Variants in OR10J1 observed in about 807,000 individuals in gnomAD.
OR10J1 encodes the protein olfactory receptor 10J1.
For synonymous variants in OR10J1, 202 were observed against 143.8 expected, an observed-to-expected ratio of 1.40 and a Z score of -2.89; for missense variants, 474 against 376.6, an observed-to-expected ratio of 1.26 and a Z score of -2.14.
the OR10J1 span, among the ~76,000 whole-genome samples, chr1:159,413,030 C>T: frequency 1.2e-4 from 18 of 152,164 alleles, no homozygotes; most frequent in African/African-American, 2.9e-4. Flanking sequence ...GGGCAAAGGA[C>T]GTGAACAGAC....
chr1:159,436,038 A>G (rs1304771101), upstream of OR10J1, among the ~76,000 whole-genome samples: 1 of 152,170 alleles, frequency 6.6e-6, no homozygotes, highest in Non-Finnish European at 1.5e-5. Flanking sequence ...AAAGTGTTTG[A>G]TAAATATTAA....
chr1:159,408,753 T>C, the OR10J1 span, among the ~76,000 whole-genome samples: 1 of 152,074 alleles, frequency 6.6e-6, no homozygotes. Context: ...GAGGCTCAAA[T>C]GAGTCAATAC....
the OR10J1 span, among the ~76,000 whole-genome samples, chr1:159,412,175 G>A: frequency 4.6e-5 from 7 of 151,822 alleles, no homozygotes; most frequent in Non-Finnish European, 7.4e-5. Flanking sequence ...CCACTGCTCA[G>A]TGAAATAAAA....
chr1:159,424,463 A>G, the OR10J1 span, among the ~76,000 whole-genome samples: 5 of 146,440 alleles, frequency 3.4e-5, no homozygotes, highest in African/African-American at 1.2e-4. Flanking sequence ...TATATAATAT[A>G]AATATATAAG....
chr1:159,398,970 A>T, the OR10J1 span, among the ~76,000 whole-genome samples: 1 of 152,098 alleles, frequency 6.6e-6, no homozygotes. Context: ...TAACCCAAAG[A>T]CTACCTCGAG....
the OR10J1 span, among the ~76,000 whole-genome samples, chr1:159,411,121 A>C: frequency 6.6e-6 from 1 of 151,388 alleles, no homozygotes; most frequent in African/African-American, 2.4e-5. Flanking sequence ...ACTTCCAACT[A>C]TGTGGTCAAT....
At chr1:159,434,642 T>A (rs943751582), upstream of OR10J1, among the ~76,000 whole-genome samples, 4 of 152,152 alleles carry the variant, frequency 2.6e-5, no homozygotes, top group Admixed American at 2.0e-4. Flanking sequence ...CAGAGAGGCA[T>A]GCATTCCCAA....
At chr1:159,431,856 G>A in the OR10J1 span, among the ~76,000 whole-genome samples, 1 of 152,148 alleles carries the variant, frequency 6.6e-6, no homozygotes. Flanking sequence ...AAGCTATGAT[G>A]TTCAGTCAGG....
chr1:159,417,694 G>C, the OR10J1 span, among the ~76,000 whole-genome samples: 16 of 152,306 alleles, frequency 1.1e-4, no homozygotes, highest in Non-Finnish European at 1.9e-4. Flanking sequence ...CCAGGAGTAG[G>C]GTGCTGCTGT....
chr1:159,407,806 T>C, the OR10J1 span, among the ~76,000 whole-genome samples: 1 of 152,156 alleles, frequency 6.6e-6, no homozygotes, highest in East Asian at 1.9e-4. Context: ...TGTGTCAAGG[T>C]CTATGAATTC....
Position 159,440,598 on chromosome 1 carries a change from T to C in OR10J1, c.807T>C (p.His269=). ...CCAAGTCAGAGAACACCAGAGAACA[T>C]GACCAGCTGATCTCGGTGACCTACA... ...LKPKSENTRE[H]DQLISVTYTV... Residue 269 remains histidine (H), a synonymous_variant, in exon 1 of 1, where the codon CAT becomes CAC. Coordinates refer to ENST00000423932, the MANE Select transcript of OR10J1 (RefSeq NM_012351.3). 6.2e-7 allele frequency: 1 copy of C among 1,613,974 alleles called. No homozygotes were observed. The highest frequency in any genetic ancestry group is 8.5e-7 in the Non-Finnish European group (1 of 1,180,000).
chr1:159,430,671 G>GCGCACGCGCGCA, the OR10J1 span, among the ~76,000 whole-genome samples: 3 of 149,688 alleles, frequency 2.0e-5, no homozygotes, highest in African/African-American at 4.9e-5. Context: ...GTGTGTGTGC[G>GCGCACGCGCGCA]CGCGCGCACA....
chr1:159,429,577 A>G, the OR10J1 span, among the ~76,000 whole-genome samples: 1 of 152,320 alleles, frequency 6.6e-6, no homozygotes, highest in South Asian at 2.1e-4. Flanking sequence ...TACTAGTTGT[A>G]TGATTGTTGA....
chr1:159,417,146 G>T, the OR10J1 span, among the ~76,000 whole-genome samples: 10 of 151,968 alleles, frequency 6.6e-5, no homozygotes, highest in Non-Finnish European at 1.3e-4. Context: ...GTTCATTGAA[G>T]TAAATCATTA....
the OR10J1 span, among the ~76,000 whole-genome samples, chr1:159,411,368 G>T: frequency 6.6e-6 from 1 of 152,124 alleles, no homozygotes; most frequent in Admixed American, 6.6e-5. Flanking sequence ...CTTGCTTTAT[G>T]AATCTGGGTG....
At chr1:159,407,023 G>T in the OR10J1 span, among the ~76,000 whole-genome samples, 2 of 152,078 alleles carry the variant, frequency 1.3e-5, no homozygotes, top group Admixed American at 6.6e-5. Context: ...TTTTTTTCCA[G>T]TTGTTACCAT....
At chr1:159,405,024 G>A in the OR10J1 span, among the ~76,000 whole-genome samples, 3 of 152,174 alleles carry the variant, frequency 2.0e-5, no homozygotes, top group South Asian at 4.1e-4. Context: ...GCACTATCGA[G>A]GAGAAACTGC....
the OR10J1 span, chr1:159,432,281 C>T: frequency 2.5e-6 from 1 of 401,048 alleles, no homozygotes; most frequent in Admixed American, 4.4e-5. Flanking sequence ...ATCACAGACT[C>T]ATCCTCTTTG....
the OR10J1 span, among the ~76,000 whole-genome samples, chr1:159,431,794 C>T: frequency 1.3e-5 from 2 of 152,032 alleles, no homozygotes; most frequent in Non-Finnish European, 2.9e-5. Context: ...GGTGATTTGC[C>T]CAGTTGTAGG....
Sources: gnomAD v4.1 joint callset for allele counts (sites outside exome capture counted in the v4.1 genomes callset) on GRCh38, gnomAD v4.1.1 for gene constraint, MANE v1.5 for transcripts, NCBI Gene and HGNC (gene_info 2026-07-23, HGNC 2026-07-21) for gene names.